HESX1: variants seen among roughly 807,000 people sequenced by gnomAD.
HESX1 encodes HESX homeobox 1.
Under a neutral mutation model 22.5 loss-of-function variants are expected in HESX1, and 11 were observed. The observed-to-expected ratio is 0.49, with a 90% CI of 0.31 to 0.81. The LOEUF (loss-of-function observed/expected upper bound fraction) is 0.81. Ranked by LOEUF, HESX1 falls within the 30% of genes least tolerant of loss-of-function variation. The pLI is 0.05. For missense variants in HESX1, 201 were observed against 212.6 expected (o/e 0.95, Z 0.34); for synonymous variants, 74 against 76.5 (o/e 0.97, Z 0.17).
chr3:57,220,254 G>C (rs529850055), intron 1 of HESX1, among the ~76,000 whole-genome samples: 1 of 152,258 alleles, frequency 6.6e-6, no homozygotes, highest in African/African-American at 2.4e-5. Flanking sequence ...CTGTAGCAGA[G>C]CATGAAGTCA....
chr3:57,204,113 C>A (rs2060505977), upstream of HESX1, among the ~76,000 whole-genome samples: 1 of 152,200 alleles, frequency 6.6e-6, no homozygotes, highest in Admixed American at 6.5e-5. Context: ...AGCCAAATAC[C>A]AACTGACCTG....
chr3:57,213,052 GAC>G (rs113793630), intron 1 of HESX1, among the ~76,000 whole-genome samples: 50 of 149,608 alleles, frequency 3.3e-4, no homozygotes, highest in Admixed American at 5.3e-4. Flanking sequence ...CCCATAGTGT[GAC>G]ACACACACAC....
chr3:57,199,692 T>C (rs1454303736), intron 1 of HESX1, 70 bp downstream of exon 1: 19 of 1,379,036 alleles, frequency 1.4e-5, no homozygotes, highest in Non-Finnish European at 2.0e-5. Context: ...CTATGTAGTA[T>C]GAAATAAAGG....
At chr3:57,221,331 T>C (rs887236130) in intron 1 of HESX1, among the ~76,000 whole-genome samples, 1 of 151,830 alleles carries the variant, frequency 6.6e-6, no homozygotes, top group African/African-American at 2.4e-5. Flanking sequence ...TTAAAAACTT[T>C]TTTTTTGTTA....
At chr3:57,224,075 C>A (rs575092354) in intron 1 of HESX1, among the ~76,000 whole-genome samples, 102 of 152,258 alleles carry the variant, frequency 6.7e-4, no homozygotes, top group African/African-American at 2.4e-3. Flanking sequence ...TCACTGCAAC[C>A]TCCGCCTCCC....
At chr3:57,203,344 T>C (rs2060500931), upstream of HESX1, among the ~76,000 whole-genome samples, 1 of 151,848 alleles carries the variant, frequency 6.6e-6, no homozygotes, top group Non-Finnish European at 1.5e-5. Context: ...GGAGAGAGGG[T>C]AGATTTGGAG....
intron 1 of HESX1, among the ~76,000 whole-genome samples, chr3:57,205,863 AT>A (rs1269880314): frequency 6.6e-6 from 1 of 152,036 alleles, no homozygotes; most frequent in South Asian, 2.1e-4. Flanking sequence ...TCTCTATAGG[AT>A]TTTTTTGTGT....
At chr3:57,208,307 T>C (rs1056136881) in intron 1 of HESX1, among the ~76,000 whole-genome samples, 1 of 152,034 alleles carries the variant, frequency 6.6e-6, no homozygotes, top group African/African-American at 2.4e-5. Flanking sequence ...ATGTTATGTA[T>C]GCTAAAGAGT....
At chr3:57,216,106 T>C (rs180976655) in intron 1 of HESX1, among the ~76,000 whole-genome samples, 168 of 152,318 alleles carry the variant, frequency 1.1e-3, no homozygotes, top group African/African-American at 3.9e-3. Flanking sequence ...ATCACTACCA[T>C]GTAATCATCA....
rs2060464061 is a variant in HESX1, at chr3:57,198,757, T to G, written c.353A>C (p.Asn118Thr). The G allele has an allele frequency of 6.2e-7, 1 of 1,613,760 alleles. No homozygotes were observed. Among genetic ancestry groups the G allele is most frequent in the African/African-American group, 1.3e-5 (1 of 74,908 alleles). The part of the protein sequence containing the change: ...GRRPRTAFTQ[N>T]QIEVLENVFR... The stretch of plus-strand genomic sequence containing the variant: ...TTGGGTGAAAAAACTTCCCACCTGG[T>G]TTTGAGTAAAAGCAGTTCTTGGTCT... The change falls in exon 2 of 4, where the codon AAC (asparagine) becomes ACC (threonine). Residue 118 changes from asparagine (N) to threonine (T), a missense_variant. Coordinates refer to ENST00000295934, the MANE Select transcript of HESX1 (RefSeq NM_003865.3).
upstream of HESX1, among the ~76,000 whole-genome samples, chr3:57,201,871 ATCTATATCTATCTATCTATC>A (rs1444151098): frequency 8.7e-4 from 124 of 142,204 alleles, no homozygotes; most frequent in South Asian, 6.1e-3. Context: ...ATATCTATCT[ATCTATATCTATCTATCTATC>A]TATCTATCTA....
chr3:57,218,667 T>G (rs930181600), intron 1 of HESX1, among the ~76,000 whole-genome samples: 11 of 152,162 alleles, frequency 7.2e-5, no homozygotes, highest in African/African-American at 2.7e-4. Flanking sequence ...GGTCTTGAAC[T>G]CCTGACCTCA....
At chr3:57,206,199 AAAAACAAAACAAAAC>A (rs796987501) in intron 1 of HESX1, among the ~76,000 whole-genome samples, 1 of 152,230 alleles carries the variant, frequency 6.6e-6, no homozygotes, top group Non-Finnish European at 1.5e-5. Flanking sequence ...TCAAAAAAAC[AAAAACAAAACAAAAC>A]AAAACAAAAC....
At chr3:57,203,912 C>G (rs1359423970), upstream of HESX1, among the ~76,000 whole-genome samples, 1 of 152,142 alleles carries the variant, frequency 6.6e-6, no homozygotes, top group Non-Finnish European at 1.5e-5. Context: ...CTCAAGTGAT[C>G]TGCCTGACTC....
At chr3:57,201,463 T>C (rs1013374779), upstream of HESX1, among the ~76,000 whole-genome samples, 1 of 151,920 alleles carries the variant, frequency 6.6e-6, no homozygotes, top group Admixed American at 6.6e-5. Flanking sequence ...TTTGAGACAT[T>C]CATTATTTCC....
chr3:57,210,595 A>C (rs890980073), intron 1 of HESX1, among the ~76,000 whole-genome samples: 1 of 152,194 alleles, frequency 6.6e-6, no homozygotes, highest in Admixed American at 6.5e-5. Flanking sequence ...TTTATTTTTT[A>C]CTGCAATGCC....
At chr3:57,217,646 TG>T (rs2060589973) in intron 1 of HESX1, among the ~76,000 whole-genome samples, 3 of 152,152 alleles carry the variant, frequency 2.0e-5, no homozygotes, top group Admixed American at 1.3e-4. Flanking sequence ...CACCTTGCTC[TG>T]AGGTATAAGG....
Position 57,221,642 on chromosome 3 carries a change from T to G in HESX1, c.-111+4654A>C, listed in dbSNP as rs184434650. Among the ~76,000 whole-genome samples, 7 of 152,334 alleles carry G rather than the reference T, an allele frequency of 4.6e-5. No homozygotes were observed. In the East Asian group the frequency reaches 1.3e-3, roughly 29 times the overall value. ...TTTATTTTGAGATGGAGTCGTGCTC[T>G]GTCACCCAGGCTGGAGTGCAGTGGC... On this transcript the variant is annotated intron_variant, in intron 1 of 2. Transcript: ENST00000495160.
chr3:57,213,702 G>A (rs999958938), intron 1 of HESX1, among the ~76,000 whole-genome samples: 3 of 152,120 alleles, frequency 2.0e-5, no homozygotes, highest in Non-Finnish European at 4.4e-5. Flanking sequence ...CGAGGCAGGC[G>A]GATCGCGAGG....
Sources: gnomAD v4.1 joint callset for allele counts (sites outside exome capture counted in the v4.1 genomes callset) on GRCh38, gnomAD v4.1.1 for gene constraint, MANE v1.5 for transcripts, NCBI Gene and HGNC (gene_info 2026-07-23, HGNC 2026-07-21) for gene names.